Variants in UPF2 observed in about 807,000 individuals in gnomAD.
UPF2 encodes the protein regulator of nonsense transcripts 2.
UPF2 carries 17 observed loss-of-function variants against 141.4 expected under a neutral mutation model. The observed-to-expected ratio is 0.12, with a 90% CI of 0.08 to 0.18. The LOEUF is 0.18. Ranked by LOEUF, UPF2 falls within the 10% of genes least tolerant of loss-of-function variation. The pLI, the probability that UPF2 is intolerant of heterozygous loss-of-function variation, is 1.00. For synonymous variants in UPF2, 540 were observed against 498.0 expected (o/e 1.08, Z -1.12); for missense variants, 1,152 against 1,515.9 (o/e 0.76, Z 3.99).
rs1051196998 is a variant in UPF2, at chr10:12,019,472, C to T, written c.1146-5288G>A. Among the ~76,000 whole-genome samples, 1 of 152,222 alleles carries T rather than the reference C, an allele frequency of 6.6e-6. No homozygotes were observed. The highest frequency in any genetic ancestry group is 2.1e-4 in the South Asian group (1 of 4,834). On this transcript the variant is annotated intron_variant, in intron 3 of 21. Coordinates refer to ENST00000357604, the MANE Select transcript of UPF2 (RefSeq NM_015542.4). This position sits in a 1 kb window ranked among gnomAD's most constrained non-coding sequence, Gnocchi z 4.5. ...TTAATCTGGCCCACAAGCCATAGTT[C>T]GCCAATGCCTGTCACACTACTACAT...
intron 1 of UPF2, among the ~76,000 whole-genome samples, chr10:12,039,728 C>T (rs540503406): frequency 1.6e-4 from 24 of 151,250 alleles, no homozygotes; most frequent in Non-Finnish European, 2.9e-4. Context: ...TCAAGTCATT[C>T]TCCTGCCTCA....
intron 13 of UPF2, among the ~76,000 whole-genome samples, chr10:11,955,762 A>G (rs1267746233): frequency 6.6e-6 from 1 of 152,222 alleles, no homozygotes; most frequent in African/African-American, 2.4e-5. Context: ...ATTGTTTCTA[A>G]AACAGTTAAA....
In UPF2 at chr10:12,028,846, T is replaced by C. The variant is rs758361651; in HGVS notation, c.1044A>G (p.Lys348=). ...TTAAAAGATTCTGGAAGGGCTGTTG[T>C]TTCTCTGGACTAATTATCTCACTAG... The part of the protein sequence containing the change: ...FPPSEIISPE[K]QQPFQNLLKE... Residue 348 remains lysine, a synonymous_variant, in exon 3 of 22, where the codon AAA becomes AAG. Transcript: ENST00000357604. 1.2e-6 allele frequency: 2 copies of C among 1,614,168 alleles called. No individual in the cohort carries two copies. The highest frequency in any genetic ancestry group is 1.7e-6 in the Non-Finnish European group (2 of 1,180,028).
At chr10:12,033,234 T>A (rs1354625773) in intron 2 of UPF2, among the ~76,000 whole-genome samples, 1 of 152,086 alleles carries the variant, frequency 6.6e-6, no homozygotes, top group Non-Finnish European at 1.5e-5. Context: ...AAAGACACCG[T>A]TTCCAAAAAC....
In UPF2 at chr10:11,921,145, C is replaced by T. The variant is rs776195166; in HGVS notation, c.*153G>A. On this transcript the variant is annotated 3_prime_UTR_variant, in exon 22 of 22. Transcript: ENST00000357604. The surrounding 1 kb of genome is among the most constrained non-coding windows in gnomAD (Gnocchi z 5.9). The stretch of plus-strand genomic sequence containing the variant: ...CCGGTGTTGGCAGAGGCTGGTGTTT[C>T]TGCCTCCTGGCCCCAGCCTGTCCCA... 33 of 1,055,494 alleles carry T rather than the reference C, an allele frequency of 3.1e-5. No homozygotes were observed. Among genetic ancestry groups the T allele is most frequent in the Non-Finnish European group, 4.8e-5 (32 of 671,052 alleles). The allele number at this position is 1,055,494 out of a possible 1,614,324, so 65.4% of individuals were successfully genotyped here.
At chr10:11,997,896 A>C in intron 7 of UPF2, 139 bp from the exon 8 acceptor site, 4 of 815,936 alleles carry the variant, frequency 4.9e-6, no homozygotes, top group Non-Finnish European at 7.5e-6. Context: ...TAGTATCAGG[A>C]AAGTTTTCTG....
chr10:11,964,607 T>A (rs1833291057), intron 10 of UPF2, among the ~76,000 whole-genome samples: 1 of 152,236 alleles, frequency 6.6e-6, no homozygotes, highest in Admixed American at 6.5e-5. Flanking sequence ...TGGTTTCTAT[T>A]GTATCATTTA....
At chr10:12,010,802 C>T (rs1446601952) in intron 4 of UPF2, among the ~76,000 whole-genome samples, 5 of 151,758 alleles carry the variant, frequency 3.3e-5, no homozygotes, top group African/African-American at 9.7e-5. Context: ...TGCTTGAAAT[C>T]AGCGATAATG....
At chr10:11,937,166 T>C (rs1832863287) in intron 18 of UPF2, among the ~76,000 whole-genome samples, 2 of 152,270 alleles carry the variant, frequency 1.3e-5, no homozygotes, top group South Asian at 4.1e-4. Flanking sequence ...TACTGAAGAA[T>C]GAATGGAATC....
chr10:11,971,999 G>A (rs1833425361), intron 9 of UPF2, among the ~76,000 whole-genome samples: 1 of 150,140 alleles, frequency 6.7e-6, no homozygotes, highest in Non-Finnish European at 1.5e-5. Context: ...AGAAGGCTAA[G>A]GTTACAGTGA....
rs143019269 is a variant in UPF2 at position 11,945,423 on chromosome 10, T to C, written c.3175-2255A>G. Among the ~76,000 whole-genome samples the C allele has an allele frequency of 1.6e-3, 237 of 152,350 alleles. 1 individual carries two copies. The highest frequency in any genetic ancestry group is 5.3e-3 in the African/African-American group (219 of 41,582). The stretch of plus-strand genomic sequence containing the variant: ...CTTTCTTTAATAAATTTCTCCTCCT[T>C]ATGTTTGGAGGGCGGTCATAGGAAA... On this transcript the variant is annotated intron_variant, in intron 16 of 21. Transcript: ENST00000357604.
rs749289885 is a variant in UPF2, at chr10:11,955,349, G to A, written c.2733C>T (p.Asp911=). Reference sequence around the variant, plus strand: ...TAATTCTGAAAAGATGCTCAGGTGGGTCCAGGGAACTTGGAGAGCCATCAG... The same window carrying A: ...TAATTCTGAAAAGATGCTCAGGTGGATCCAGGGAACTTGGAGAGCCATCAG... ...VNPDGSPSSL[D]PPEHLFRIRL... is the part of the protein sequence containing the mutation. Residue 911 remains aspartate, a synonymous_variant, in exon 14 of 22, where the codon GAC becomes GAT. Coordinates refer to ENST00000357604, the MANE Select transcript of UPF2 (RefSeq NM_015542.4). The A allele has an allele frequency of 2.4e-5, 39 of 1,614,184 alleles. 3 individuals are homozygous for A. In the South Asian group the frequency reaches 4.3e-4, roughly 18 times the overall value.
intron 21 of UPF2, among the ~76,000 whole-genome samples, chr10:11,928,957 T>C (rs1173880023): frequency 6.6e-6 from 1 of 152,188 alleles, no homozygotes; most frequent in Admixed American, 6.5e-5. Flanking sequence ...GAGACCAGCC[T>C]GGCCAACATG....
intron 2 of UPF2, among the ~76,000 whole-genome samples, chr10:12,032,888 T>C (rs575547348): frequency 6.6e-6 from 1 of 150,834 alleles, no homozygotes; most frequent in East Asian, 2.0e-4. Flanking sequence ...TGACAGCTAC[T>C]CAGGAGGCAG....
chr10:12,001,620 A>C, intron 6 of UPF2, 56 bp downstream of exon 6: 195 of 1,459,396 alleles, frequency 1.3e-4, no homozygotes, highest in Non-Finnish European at 1.6e-4. Flanking sequence ...TTCTTAGGCA[A>C]GAGCTCTGTG....
chr10:12,008,435 C>A (rs1834072371), intron 4 of UPF2, among the ~76,000 whole-genome samples: 1 of 151,720 alleles, frequency 6.6e-6, no homozygotes, highest in African/African-American at 2.4e-5. Flanking sequence ...TTGAGACCAT[C>A]CTGGCTAACA....
chr10:12,028,929 C>T lies in UPF2; in HGVS notation c.961G>A (p.Gly321Arg), dbSNP rs1298583136. Residue 321 changes from glycine to arginine, a missense_variant, in exon 3 of 22, where the codon GGA (glycine) becomes AGA (arginine). Around this residue, in one of 4 missense-constraint regions of UPF2, gnomAD observed 739 missense variants for 1,032.2 expected, o/e 0.72. Coordinates refer to ENST00000357604, the MANE Select transcript of UPF2 (RefSeq NM_015542.4). ...FCRHCGDDIAGLVPRKVKSAA... is the reference protein window; with the variant it reads ...FCRHCGDDIARLVPRKVKSAA... ...CTCTTTACTTTCCTTGGTACAAGTC[C>T]AGCAATATCATCTCCACAATGTCGA... 1 of 1,613,956 alleles carries T rather than the reference C, an allele frequency of 6.2e-7. No individual in the cohort carries two copies. The highest frequency in any genetic ancestry group is 1.3e-5 in the African/African-American group (1 of 74,890).
At chr10:12,034,325 TTA>T (rs71200951) in intron 2 of UPF2, among the ~76,000 whole-genome samples, 3 of 44,666 alleles carry the variant, frequency 6.7e-5, no homozygotes, top group African/African-American at 1.7e-4. Flanking sequence ...TTTTATTATT[TTA>T]TTTTTTTTTT....
intron 2 of UPF2, among the ~76,000 whole-genome samples, chr10:12,034,787 T>C (rs1431218813): frequency 6.6e-6 from 1 of 152,114 alleles, no homozygotes. Context: ...TCTGGGCGAC[T>C]GAGCAAAATT....
Sources: gnomAD v4.1 joint callset for allele counts (sites outside exome capture counted in the v4.1 genomes callset) on GRCh38, gnomAD v4.1.1 for gene constraint, gnomAD v4.1.1 regional missense constraint, Gnocchi (gnomAD v3.1) non-coding constraint, MANE v1.5 for transcripts, NCBI Gene and HGNC (gene_info 2026-07-23, HGNC 2026-07-21) for gene names.